The following RIC1 variants were observed in gnomAD, a reference collection of about 807,000 sequenced individuals.
RIC1 encodes RIC1 partner of RAB6A GEF complex, also known as guanine nucleotide exchange factor subunit RIC1.
A neutral mutation model predicts 169.0 loss-of-function variants in RIC1; 88 were observed. The ratio of observed to expected loss-of-function variants is 0.52; its 90% CI spans 0.44 to 0.62. The LOEUF (loss-of-function observed/expected upper bound fraction) is 0.62. Among genes scored for constraint, RIC1 ranks in the 20% least tolerant of loss-of-function variants. The probability of loss-of-function intolerance (pLI) is 0.00; values close to 1 mark genes in which losing one functional copy is unlikely to be tolerated. For missense variants in RIC1, 1,877 were observed against 1,725.5 expected (o/e 1.09, Z -1.56); for synonymous variants, 790 against 601.5 (o/e 1.31, Z -4.59).
At chr9:5,701,207 C>T (rs568511139) in intron 3 of RIC1, among the ~76,000 whole-genome samples, 22 of 152,080 alleles carry the variant, frequency 1.4e-4, no homozygotes, top group Non-Finnish European at 2.6e-4. Context: ...TTTTTTCTTT[C>T]ATGAGTGGAT....
At chr9:5,741,347 G>T (rs970116920) in intron 8 of RIC1, among the ~76,000 whole-genome samples, 4 of 152,178 alleles carry the variant, frequency 2.6e-5, no homozygotes, top group African/African-American at 9.6e-5. Flanking sequence ...ACTTAGGCTT[G>T]CTGGATGAAG....
chr9:5,744,681 A>ATT (rs147191280), intron 10 of RIC1, among the ~76,000 whole-genome samples: 1 of 152,078 alleles, frequency 6.6e-6, no homozygotes, highest in Admixed American at 6.6e-5. Context: ...CAGGTGTGGG[A>ATT]TTTTTTTACT....
chr9:5,649,764 A>G (rs4455906), intron 1 of RIC1, among the ~76,000 whole-genome samples: 47,576 of 149,698 alleles, frequency 0.32, 8,260 homozygotes, highest in East Asian at 0.6. Context: ...CATTACTTGT[A>G]TACTTACAAG....
intron 2 of RIC1, among the ~76,000 whole-genome samples, chr9:5,665,256 T>C (rs1328892781): frequency 6.6e-6 from 1 of 152,188 alleles, no homozygotes; most frequent in East Asian, 1.9e-4. Flanking sequence ...ATCTCTCACA[T>C]TGTCAGTGGT....
chr9:5,753,855 GGTTT>G lies in RIC1; in HGVS notation c.1602+210_1602+213del, dbSNP rs528541169. Among the ~76,000 whole-genome samples, 109 of 152,128 alleles carry G rather than the reference GGTTT, an allele frequency of 7.2e-4. 1 individual carries two copies. The highest frequency in any genetic ancestry group is 2.5e-3 in the African/African-American group (105 of 41,508). ...TAAAGGATCTTGTGTTGAAATAGTT[GGTTT>G]ATTTTTAATTCTTTTTAAGATCGGT... On this transcript the variant is annotated intron_variant, in intron 14 of 25. Transcript: ENST00000414202.
At chr9:5,669,016 A>G (rs1819942426) in intron 2 of RIC1, among the ~76,000 whole-genome samples, 2 of 152,178 alleles carry the variant, frequency 1.3e-5, no homozygotes, top group African/African-American at 4.8e-5. Flanking sequence ...GACTTTGGAA[A>G]TCTAATTCTC....
intron 6 of RIC1, among the ~76,000 whole-genome samples, chr9:5,730,551 G>C (rs1824309161): frequency 6.6e-6 from 1 of 152,124 alleles, no homozygotes; most frequent in African/African-American, 2.4e-5. Flanking sequence ...GCATGTTTAA[G>C]TGGTAATGAT....
At chr9:5,645,259 C>T (rs376436401) in intron 1 of RIC1, among the ~76,000 whole-genome samples, 38 of 152,084 alleles carry the variant, frequency 2.5e-4, no homozygotes, top group African/African-American at 9.2e-4. Context: ...CATAAGTTGC[C>T]CAGGCTGGTC....
At position 5,720,466 on chromosome 9, in the gene RIC1, G is replaced by T. The variant is rs1328885108; in HGVS notation, c.583+142G>T. ...GAGTATGAGAGGCGGGGTGAGAGAGGCATTTAATAGGAAAGGACAGTTTAA... is the reference window on the plus strand; with the variant it reads ...GAGTATGAGAGGCGGGGTGAGAGAGTCATTTAATAGGAAAGGACAGTTTAA... On this transcript the variant is annotated intron_variant, in intron 5 of 25. Transcript: ENST00000414202. 3.6e-6 allele frequency: 4 copies of T among 1,107,504 alleles called. No individual in the cohort carries two copies. In the Admixed American group the frequency reaches 7.3e-5, roughly 20 times the overall value. The allele number at this position is 1,107,504 out of a possible 1,614,324, so 68.6% of individuals were successfully genotyped here. A position where few individuals can be genotyped will look rare whatever the true frequency, so the allele number is the denominator to read the frequency against.
Position 5,738,459 on chromosome 9 carries a change from G to A in RIC1, c.822G>A (p.Val274=). 1 of 1,598,548 alleles carries A rather than the reference G, an allele frequency of 6.3e-7. No individual in the cohort carries two copies. The highest frequency in any genetic ancestry group is 8.5e-7 in the Non-Finnish European group (1 of 1,174,792). ...GTTGTTGTTTTCACAGTGGTTCTGT[G>A]CAGGTCTATACAATAGATAACAGCA... is the stretch of plus-strand genomic sequence containing the variant. ...LMAFGCVSGS[V]QVYTIDNSTG... is the part of the protein sequence containing the mutation. Residue 274 remains valine, a synonymous_variant, in exon 8 of 26, where the codon GTG becomes GTA. Transcript: ENST00000414202.
At chr9:5,709,723 A>AT (rs1822821125) in intron 3 of RIC1, among the ~76,000 whole-genome samples, 1 of 152,096 alleles carries the variant, frequency 6.6e-6, no homozygotes, top group Non-Finnish European at 1.5e-5. Context: ...AAGTAATAAT[A>AT]TTTTTTATGA....
intron 6 of RIC1, among the ~76,000 whole-genome samples, chr9:5,724,676 G>C (rs537873474): frequency 6.6e-6 from 1 of 152,284 alleles, no homozygotes; most frequent in East Asian, 1.9e-4. Flanking sequence ...TGCCCATTCA[G>C]TATGATATTT....
chr9:5,758,821 T>C (rs562250629), intron 17 of RIC1, among the ~76,000 whole-genome samples: 89 of 150,146 alleles, frequency 5.9e-4, no homozygotes, highest in African/African-American at 2.1e-3. Flanking sequence ...CTTGGCTCAG[T>C]GCAACCTCTG....
chr9:5,776,769 G>T (rs1224019463), downstream of RIC1, among the ~76,000 whole-genome samples: 1 of 151,882 alleles, frequency 6.6e-6, no homozygotes, highest in African/African-American at 2.4e-5. Context: ...CCATGTCGAT[G>T]ACATGGAAAA....
intron 9 of RIC1, among the ~76,000 whole-genome samples, chr9:5,743,325 A>G (rs1433645826): frequency 6.6e-6 from 1 of 152,160 alleles, no homozygotes; most frequent in Non-Finnish European, 1.5e-5. Flanking sequence ...GTGGTAAGGC[A>G]TGTACATAAA....
At chr9:5,649,826 G>C (rs898208498) in intron 1 of RIC1, among the ~76,000 whole-genome samples, 1 of 151,380 alleles carries the variant, frequency 6.6e-6, no homozygotes, top group African/African-American at 2.4e-5. Context: ...TTTTTAGATT[G>C]GCTTTCAGAG....
intron 14 of RIC1, among the ~76,000 whole-genome samples, chr9:5,754,199 AACACACAC>A: frequency 6.6e-6 from 1 of 151,542 alleles, no homozygotes; most frequent in Admixed American, 6.6e-5. Flanking sequence ...TTTTGATGTA[AACACACAC>A]ACACACACAA....
intron 17 of RIC1, among the ~76,000 whole-genome samples, chr9:5,760,690 C>T (rs1826274587): frequency 6.6e-6 from 1 of 152,194 alleles, no homozygotes; most frequent in African/African-American, 2.4e-5. Flanking sequence ...ACTTCTCATA[C>T]CTCCAAATTA....
chr9:5,759,270 G>T (rs1826193477), intron 17 of RIC1, among the ~76,000 whole-genome samples: 1 of 152,114 alleles, frequency 6.6e-6, no homozygotes, highest in Non-Finnish European at 1.5e-5. Context: ...ACCAGATATG[G>T]TATGCTTCTT....
Sources: gnomAD v4.1 joint callset for allele counts (sites outside exome capture counted in the v4.1 genomes callset) on GRCh38, gnomAD v4.1.1 for gene constraint, MANE v1.5 for transcripts, NCBI Gene and HGNC (gene_info 2026-07-23, HGNC 2026-07-21) for gene names.